Variants in PALLD observed in about 807,000 individuals in gnomAD.
PALLD encodes palladin.
A neutral mutation model predicts 123.5 loss-of-function variants in PALLD; 61 were observed. The observed-to-expected ratio is 0.49, with a 90% confidence interval of 0.40 to 0.61. The LOEUF (loss-of-function observed/expected upper bound fraction) is 0.61, where lower values mean the gene tolerates loss of function less well. Ranked by LOEUF, PALLD falls within the 20% of genes least tolerant of loss-of-function variation. The pLI is 0.00. For synonymous variants in PALLD, 465 were observed against 496.4 expected (o/e 0.94, Z 0.84); for missense variants, 1,273 against 1,377.0 (o/e 0.92, Z 1.20).
chr4:168,685,694 C>A (rs1448325169), intron 6 of PALLD, 135 bp downstream of exon 6: 3 of 705,728 alleles, frequency 4.3e-6, no homozygotes, highest in Non-Finnish European at 7.9e-6. Flanking sequence ...ACCTTTGGGA[C>A]TAAATAGATA....
At chr4:168,647,370 G>A (rs1777569761) in intron 2 of PALLD, among the ~76,000 whole-genome samples, 2 of 152,114 alleles carry the variant, frequency 1.3e-5, no homozygotes, top group South Asian at 4.1e-4. Context: ...TTTTCTTAGA[G>A]ATCAGGATTA....
chr4:168,915,652 T>G (rs1377015663), intron 16 of PALLD, among the ~76,000 whole-genome samples: 1 of 152,180 alleles, frequency 6.6e-6, no homozygotes, highest in Non-Finnish European at 1.5e-5. Context: ...TACCCCATTT[T>G]TTTCCATTTC....
Position 168,926,293 on chromosome 4 carries a change from C to T in PALLD, c.*113C>T. On this transcript the variant is annotated 3_prime_UTR_variant, in exon 22 of 22. Transcript: ENST00000505667. ...CAGTCGCTATGCAGCACTTTCGGAC[C>T]AGGGACTAGACATCAAAGCAGCGTT... 2.0e-6 allele frequency: 3 copies of T among 1,537,136 alleles called. No individual in the cohort carries two copies. Among genetic ancestry groups the T allele is most frequent in the Non-Finnish European group, 2.6e-6 (3 of 1,146,796 alleles).
chr4:168,671,586 T>G (rs1780286817), intron 3 of PALLD, among the ~76,000 whole-genome samples: 3 of 152,184 alleles, frequency 2.0e-5, no homozygotes. Context: ...TAACATAAAG[T>G]GCTTTAGAAA....
intron 8 of PALLD, among the ~76,000 whole-genome samples, chr4:168,704,457 G>A (rs1026405838): frequency 6.6e-6 from 1 of 152,082 alleles, no homozygotes; most frequent in African/African-American, 2.4e-5. Context: ...GGATCACGAG[G>A]TGAGGAGATC....
At chr4:168,838,748 C>CT (rs1328534739) in intron 10 of PALLD, among the ~76,000 whole-genome samples, 4 of 126,550 alleles carry the variant, frequency 3.2e-5, no homozygotes, top group Non-Finnish European at 6.2e-5. Flanking sequence ...ATGGTTAATG[C>CT]TTGTTGAGTG....
At chr4:168,821,712 C>T (rs1370955482) in intron 10 of PALLD, among the ~76,000 whole-genome samples, 1 of 151,432 alleles carries the variant, frequency 6.6e-6, no homozygotes, top group Non-Finnish European at 1.5e-5. Context: ...CTCGTCTCTA[C>T]TAAAAAAAAA....
chr4:168,655,300 A>AGG (rs1778444989), intron 2 of PALLD, among the ~76,000 whole-genome samples: 1 of 152,224 alleles, frequency 6.6e-6, no homozygotes, highest in Non-Finnish European at 1.5e-5. Context: ...ACCCTTGAAA[A>AGG]AGAAAGTGAA....
chr4:168,870,507 C>T (rs977801471), intron 10 of PALLD, among the ~76,000 whole-genome samples: 20 of 152,116 alleles, frequency 1.3e-4, no homozygotes, highest in African/African-American at 4.6e-4. Flanking sequence ...CTGATATATA[C>T]GTTTTTCAAA....
At chr4:168,919,885 G>T (rs2126435841) in intron 17 of PALLD, among the ~76,000 whole-genome samples, 1 of 152,244 alleles carries the variant, frequency 6.6e-6, no homozygotes, top group East Asian at 1.9e-4. Context: ...GAGAACTGGG[G>T]TTAGAAAAAA....
At chr4:168,767,118 AAG>A (rs1440008453) in intron 10 of PALLD, among the ~76,000 whole-genome samples, 1 of 152,204 alleles carries the variant, frequency 6.6e-6, no homozygotes, top group Non-Finnish European at 1.5e-5. Context: ...CCGGCCAAAT[AAG>A]AGCCCAGGAA....
intron 10 of PALLD, among the ~76,000 whole-genome samples, chr4:168,768,474 A>G (rs561073661): frequency 2.8e-4 from 42 of 152,324 alleles, no homozygotes; most frequent in African/African-American, 9.6e-4. Context: ...GATATGTTCT[A>G]TTTAGTAGGT....
intron 14 of PALLD, among the ~76,000 whole-genome samples, chr4:168,903,294 T>A (rs1582037122): frequency 2.0e-5 from 3 of 152,252 alleles, no homozygotes; most frequent in East Asian, 3.9e-4. Context: ...GTGAAATGAT[T>A]AGAGTTTGGG....
rs1386061060 is a variant in PALLD, at chr4:168,927,143, A to G, written c.*963A>G. 4.4e-6 allele frequency: 1 copy of G among 228,612 alleles called. No individual in the cohort carries two copies. 14.2% of individuals were successfully genotyped at this position (228,612 alleles called of 1,614,324 possible). ...ATATATTACAGTTCATTCCACAGAA[A>G]GCATCCAAACCACCCAAATGACCAA... On this transcript the variant is annotated 3_prime_UTR_variant, in exon 22 of 22. Coordinates refer to ENST00000505667, the MANE Select transcript of PALLD (RefSeq NM_001166108.2).
intron 10 of PALLD, among the ~76,000 whole-genome samples, chr4:168,853,480 T>C (rs955548594): frequency 3.3e-5 from 5 of 152,018 alleles, no homozygotes; most frequent in African/African-American, 1.2e-4. Context: ...TGGCAGATGC[T>C]GCGAAAAAAA....
chr4:168,569,196 G>A (rs901246320), intron 2 of PALLD, among the ~76,000 whole-genome samples: 5 of 152,076 alleles, frequency 3.3e-5, no homozygotes, highest in Non-Finnish European at 7.4e-5. Context: ...CAGAGGACAG[G>A]TTCAGGCTCA....
At chr4:168,535,959 T>G (rs938679698) in intron 2 of PALLD, among the ~76,000 whole-genome samples, 1 of 152,210 alleles carries the variant, frequency 6.6e-6, no homozygotes, top group African/African-American at 2.4e-5. Context: ...ACAAGAACAC[T>G]TAAAGAACTC....
chr4:168,699,660 G>A (rs975513456), intron 8 of PALLD, among the ~76,000 whole-genome samples: 1 of 151,876 alleles, frequency 6.6e-6, no homozygotes, highest in Non-Finnish European at 1.5e-5. Context: ...GTTTTTATTT[G>A]TATTTAACCA....
intron 13 of PALLD, 24 bp downstream of exon 13, chr4:168,896,623 C>T: frequency 1.5e-6 from 2 of 1,373,864 alleles, no homozygotes; most frequent in Non-Finnish European, 2.0e-6. Context: ...CCTTTCTTCT[C>T]CTTCCAGTCT....
Sources: gnomAD v4.1 joint callset for allele counts (sites outside exome capture counted in the v4.1 genomes callset) on GRCh38, gnomAD v4.1.1 for gene constraint, MANE v1.5 for transcripts, NCBI Gene and HGNC (gene_info 2026-07-23, HGNC 2026-07-21) for gene names.